PHACTR1: variants seen among roughly 807,000 people sequenced by gnomAD.
PHACTR1 encodes the protein RPEL repeat containing 1.
A neutral mutation model predicts 69.2 loss-of-function variants in PHACTR1; 16 were observed. That is an observed-to-expected ratio of 0.23 (90% confidence interval 0.16 to 0.35). The LOEUF is 0.35. Ranked by LOEUF, PHACTR1 falls within the 10% of genes least tolerant of loss-of-function variation. The pLI, the probability that PHACTR1 is intolerant of heterozygous loss-of-function variation, is 1.00. For synonymous variants in PHACTR1, 312 were observed against 284.5 expected (o/e 1.10, Z -0.97); for missense variants, 510 against 734.7 (o/e 0.69, Z 3.54).
intron 4 of PHACTR1, among the ~76,000 whole-genome samples, chr6:12,829,027 A>G (rs1394738550): frequency 6.6e-6 from 1 of 152,218 alleles, no homozygotes; most frequent in African/African-American, 2.4e-5. Flanking sequence ...TGTTCATTAC[A>G]CATTATACAC....
At chr6:12,964,136 T>C (rs149398848) in intron 4 of PHACTR1, among the ~76,000 whole-genome samples, 8 of 152,376 alleles carry the variant, frequency 5.3e-5, no homozygotes, top group Middle Eastern at 3.4e-3. Context: ...ACCTTGTGAG[T>C]ATTTTTGTTA....
chr6:13,196,654 C>CAA, intron 7 of PHACTR1: 1 of 152,756 alleles, frequency 6.5e-6, no homozygotes, highest in Non-Finnish European at 1.5e-5. Flanking sequence ...CTCCTAACCT[C>CAA]GTGATCCGCC....
intron 12 of PHACTR1, among the ~76,000 whole-genome samples, chr6:13,282,087 C>A (rs1780402199): frequency 6.6e-6 from 1 of 152,168 alleles, no homozygotes; most frequent in African/African-American, 2.4e-5. Flanking sequence ...TCGCACTAGC[C>A]ACGGGTGTCT....
chr6:12,766,463 T>C (rs1209494340), intron 4 of PHACTR1, among the ~76,000 whole-genome samples: 2 of 152,180 alleles, frequency 1.3e-5, no homozygotes, highest in Admixed American at 6.5e-5. Flanking sequence ...AGAAATTTCA[T>C]AGTAACTTAG....
In PHACTR1 at chr6:12,763,257, A is replaced by C. The variant is rs189944352; in HGVS notation, c.250+13467A>C. On this transcript the variant is annotated intron_variant, in intron 4 of 14. Coordinates refer to ENST00000332995, the MANE Select transcript of PHACTR1 (RefSeq NM_030948.6). ...ACAACAACAACAACAACAACAACAA[A>C]ACAGCAGCCAAATAAATGACAACAT... 2.7e-3 allele frequency among the ~76,000 whole-genome samples: 403 copies of C among 150,800 alleles called. 1 individual carries two copies. The highest frequency in any genetic ancestry group is 4.6e-3 in the Non-Finnish European group (313 of 67,690).
At chr6:12,722,513 G>A (rs1320950998) in intron 3 of PHACTR1, among the ~76,000 whole-genome samples, 1 of 152,182 alleles carries the variant, frequency 6.6e-6, no homozygotes, top group Non-Finnish European at 1.5e-5. Flanking sequence ...CCCTTGAATA[G>A]AGGACGTTTT....
intron 3 of PHACTR1, among the ~76,000 whole-genome samples, chr6:12,720,020 G>T (rs184823388): frequency 1.3e-5 from 2 of 152,238 alleles, no homozygotes; most frequent in Non-Finnish European, 2.9e-5. Flanking sequence ...ACTTCTGGGT[G>T]TATGGAGTCA....
chr6:12,835,409 G>A (rs1426029129), intron 4 of PHACTR1, among the ~76,000 whole-genome samples: 1 of 152,068 alleles, frequency 6.6e-6, no homozygotes, highest in Non-Finnish European at 1.5e-5. Context: ...AGTACGACAG[G>A]CCTGAAGGAT....
rs530741132 is a variant in PHACTR1, at chr6:13,177,172, TAAAAAAAA to T, written c.497-5323_497-5316del. Among the ~76,000 whole-genome samples, 71 of 63,366 alleles carry T rather than the reference TAAAAAAAA, an allele frequency of 1.1e-3. 1 individual carries two copies. Among genetic ancestry groups the T allele is most frequent in the Admixed American group, 5.4e-3 (28 of 5,216 alleles). The allele number at this position is 63,366 out of a possible 152,430, so 41.6% of individuals were successfully genotyped here. On this transcript the variant is annotated intron_variant, in intron 6 of 14. Coordinates refer to ENST00000332995, the MANE Select transcript of PHACTR1 (RefSeq NM_030948.6). ...TGGCAAAATAGCAAGACCCCATCTCTAAAAAAAAAAAAAAAAAAAAAAAAAAAAAAATC... is the reference window on the plus strand; with the variant it reads ...TGGCAAAATAGCAAGACCCCATCTCTAAAAAAAAAAAAAAAAAAAAAAATC...
At chr6:13,045,542 C>A (rs550688355) in intron 4 of PHACTR1, among the ~76,000 whole-genome samples, 2 of 152,216 alleles carry the variant, frequency 1.3e-5, no homozygotes, top group African/African-American at 2.4e-5. Flanking sequence ...ATTCCAAAAC[C>A]AGTAGAGCCA....
intron 3 of PHACTR1, among the ~76,000 whole-genome samples, chr6:12,732,924 TTATTTAC>T (rs1460179277): frequency 6.6e-6 from 1 of 152,228 alleles, no homozygotes; most frequent in Non-Finnish European, 1.5e-5. Context: ...TGTTCTGCCA[TTATTTAC>T]TAGACAGAGT....
chr6:13,081,904 G>T (rs905632414), intron 5 of PHACTR1, among the ~76,000 whole-genome samples: 1 of 152,144 alleles, frequency 6.6e-6, no homozygotes, highest in Non-Finnish European at 1.5e-5. Context: ...CTTCATTTAC[G>T]AGAATTTAGG....
At chr6:13,038,616 T>C (rs1437756120) in intron 4 of PHACTR1, among the ~76,000 whole-genome samples, 1 of 152,222 alleles carries the variant, frequency 6.6e-6, no homozygotes, top group Non-Finnish European at 1.5e-5. Flanking sequence ...CTTGATGTTC[T>C]GCCACTTACA....
chr6:12,788,496 T>G (rs1771829444), intron 4 of PHACTR1, among the ~76,000 whole-genome samples: 1 of 152,248 alleles, frequency 6.6e-6, no homozygotes, highest in Admixed American at 6.5e-5. Context: ...GAGAATATAT[T>G]GGGCTGTAAA....
chr6:12,951,485 C>T (rs1166728472), intron 4 of PHACTR1, among the ~76,000 whole-genome samples: 1 of 152,304 alleles, frequency 6.6e-6, no homozygotes, highest in African/African-American at 2.4e-5. Context: ...CTGCAATATC[C>T]TCATTCCCTT....
intron 4 of PHACTR1, among the ~76,000 whole-genome samples, chr6:13,014,940 G>C (rs1038586922): frequency 6.6e-6 from 1 of 152,232 alleles, no homozygotes. Context: ...GCATTTGCGC[G>C]ACCCTCCAGG....
intron 9 of PHACTR1, among the ~76,000 whole-genome samples, chr6:13,228,388 T>A (rs1161206398): frequency 6.6e-6 from 1 of 152,186 alleles, no homozygotes; most frequent in African/African-American, 2.4e-5. Flanking sequence ...CTTTAAGAAG[T>A]TTAAAACTCT....
chr6:12,944,273 T>C (rs1016904046), intron 4 of PHACTR1, among the ~76,000 whole-genome samples: 1 of 152,244 alleles, frequency 6.6e-6, no homozygotes, highest in Admixed American at 6.5e-5. Flanking sequence ...CTGTTAAGTA[T>C]GCTTAATTCT....
intron 4 of PHACTR1, among the ~76,000 whole-genome samples, chr6:12,769,339 TG>T (rs1193873534): frequency 6.6e-6 from 1 of 152,226 alleles, no homozygotes; most frequent in African/African-American, 2.4e-5. Flanking sequence ...ACAATTATTA[TG>T]TGTCAAGTAT....
Sources: allele counts gnomAD v4.1 joint callset (sites outside exome capture counted in the v4.1 genomes callset), GRCh38; gene constraint gnomAD v4.1.1; transcripts MANE v1.5; gene names NCBI Gene and HGNC (gene_info 2026-07-23, HGNC 2026-07-21).